BAHCC1: variants seen among roughly 807,000 people sequenced by gnomAD.
BAHCC1 encodes the protein BAH domain and coiled-coil containing 1.
In BAHCC1, 43 loss-of-function variants were observed where a neutral mutation model predicts 88.2. The ratio of observed to expected loss-of-function variants is 0.49; its 90% CI spans 0.38 to 0.63. BAHCC1 has a LOEUF of 0.63. BAHCC1 is among the 20% of genes least tolerant of loss of function. The probability of loss-of-function intolerance (pLI) is 0.00; values close to 1 mark genes in which losing one functional copy is unlikely to be tolerated. For missense variants in BAHCC1, 3,023 were observed against 1,654.8 expected (o/e 1.83, Z -14.34); for synonymous variants, 1,510 against 745.5 (o/e 2.03, Z -16.71).
At chr17:81,406,785 C>G (rs973064396) in intron 2 of BAHCC1, 3 of 421,942 alleles carry the variant, frequency 7.1e-6, no homozygotes, top group African/African-American at 6.1e-5. Context: ...TGGGGGCAGG[C>G]GGCGCCCAGG....
intron 2 of BAHCC1, among the ~76,000 whole-genome samples, chr17:81,426,580 C>T (rs2064202924): frequency 6.6e-6 from 1 of 151,772 alleles, no homozygotes; most frequent in African/African-American, 2.4e-5. Flanking sequence ...ACCAGGACAC[C>T]TGGGGCACCA....
In BAHCC1 at chr17:81,447,027, C is replaced by T. The variant is rs1180907418; in HGVS notation, c.3164-9C>T. 3 of 778,938 alleles carry T rather than the reference C, an allele frequency of 3.9e-6. No homozygotes were observed. Among genetic ancestry groups the T allele is most frequent in the South Asian group, 1.3e-5 (1 of 74,628 alleles). 48.3% of individuals were successfully genotyped at this position (778,938 alleles called of 1,614,324 possible). ...CCAGCTCCCTGCTGACCTGTCCCCTCCTTTGCAGACCTGCCTCCCGGATAC... is the reference window on the plus strand; with the variant it reads ...CCAGCTCCCTGCTGACCTGTCCCCTTCTTTGCAGACCTGCCTCCCGGATAC... On this transcript the variant is annotated splice_polypyrimidine_tract_variant and intron_variant, in intron 10 of 27. Transcript: ENST00000675386.
chr17:81,445,784 C>T, intron 10 of BAHCC1, 103 bp downstream of exon 10: 1 of 643,340 alleles, frequency 1.6e-6, no homozygotes, highest in Admixed American at 2.4e-5. Context: ...AGGGAGGCGC[C>T]ACACCTGCCC....
Position 81,460,662 on chromosome 17 carries a change from C to T in BAHCC1, c.6158C>T (p.Ala2053Val), listed in dbSNP as rs1555658954. Reference sequence around the variant, plus strand: ...CCCAAAGCACAGGACGGCCCCGAAGCTTTGAAGACACCTGGGAAAAAATCC... The same window carrying T: ...CCCAAAGCACAGGACGGCCCCGAAGTTTTGAAGACACCTGGGAAAAAATCC... ...LSPKAQDGPEALKTPGKKSIS... is the reference protein window; with the variant it reads ...LSPKAQDGPEVLKTPGKKSIS... Residue 2053 changes from alanine (A) to valine (V), a missense_variant, in exon 25 of 28, where the codon GCT becomes GTT. Coordinates refer to ENST00000675386, the MANE Select transcript of BAHCC1 (RefSeq NM_001377448.1). 1.3e-6 allele frequency: 1 copy of T among 772,854 alleles called. No individual in the cohort carries two copies. Among genetic ancestry groups the T allele is most frequent in the East Asian group, 2.4e-5 (1 of 40,896 alleles). The allele number at this position is 772,854 out of a possible 1,614,324, so 47.9% of individuals were successfully genotyped here.
chr17:81,407,036 A>G (rs1390587360), intron 2 of BAHCC1: 1 of 455,084 alleles, frequency 2.2e-6, no homozygotes, highest in Non-Finnish European at 4.4e-6. Flanking sequence ...ATCCCCCAAG[A>G]AAAAGTCCAG....
chr17:81,416,285 CATAT>C (rs1555648667), intron 2 of BAHCC1, among the ~76,000 whole-genome samples: 1 of 96,130 alleles, frequency 1.0e-5, no homozygotes, highest in East Asian at 3.1e-4. Context: ...GGTGTATGTG[CATAT>C]GTGTGTGTCC....
intron 2 of BAHCC1, among the ~76,000 whole-genome samples, chr17:81,415,312 G>T (rs546466813): frequency 1.3e-5 from 2 of 152,382 alleles, no homozygotes; most frequent in South Asian, 4.1e-4. Flanking sequence ...GCAGGGTGCT[G>T]CCTGGAGGGG....
At chr17:81,421,347 C>T (rs2064113659) in intron 2 of BAHCC1, among the ~76,000 whole-genome samples, 3 of 152,190 alleles carry the variant, frequency 2.0e-5, no homozygotes, top group African/African-American at 7.2e-5. Context: ...GGCGGGGGGG[C>T]TGGGGAGGTG....
Position 81,462,965 on chromosome 17 carries a change from T to G in BAHCC1, c.7609T>G (p.Cys2537Gly). The change falls in exon 27 of 28, where the codon TGC (cysteine) becomes GGC (glycine). Residue 2537 changes from cysteine (C) to glycine (G), a missense_variant. Coordinates refer to ENST00000675386, the MANE Select transcript of BAHCC1 (RefSeq NM_001377448.1). ...GGAGACCAAGCTGGGCAAGAGGCAG[T>G]GCGACGGCAAGGTGAGGCCCGGACA... ...PEETKLGKRQ[C>G]DGKNALYQSC... 2.6e-6 allele frequency: 2 copies of G among 780,634 alleles called. No individual in the cohort carries two copies. The highest frequency in any genetic ancestry group is 4.8e-6 in the Non-Finnish European group (2 of 418,654). 48.4% of individuals were successfully genotyped at this position (780,634 alleles called of 1,614,324 possible). A position where few individuals can be genotyped will look rare whatever the true frequency, so the allele number is the denominator to read the frequency against.
At chr17:81,404,931 C>T (rs1351293715) in intron 2 of BAHCC1, among the ~76,000 whole-genome samples, 1 of 152,168 alleles carries the variant, frequency 6.6e-6, no homozygotes, top group Non-Finnish European at 1.5e-5. Flanking sequence ...TGGGGTGCCT[C>T]CTCTCTGCGG....
At position 81,447,238 on chromosome 17, in the gene BAHCC1, G is replaced by A. The variant is rs782049779; in HGVS notation, c.3366G>A (p.Gly1122=). The A allele has an allele frequency of 1.4e-6, 1 of 720,706 alleles. No homozygotes were observed. The highest frequency in any genetic ancestry group is 2.5e-6 in the Non-Finnish European group (1 of 392,316). 44.6% of individuals were successfully genotyped at this position (720,706 alleles called of 1,614,324 possible). A position where few individuals can be genotyped will look rare whatever the true frequency, so the allele number is the denominator to read the frequency against. ...TGGAGGAGCCCGGGCTGCTCTCAGG[G>A]GCCAGGGAGGCCACCCAGGACCTTG... is the stretch of plus-strand genomic sequence containing the variant. ...RSLEEPGLLS[G]AREATQDLAA... The change falls in exon 11 of 28, where the codon GGG becomes GGA. Residue 1122 remains glycine (G), a synonymous_variant. Transcript: ENST00000675386.
At chr17:81,459,221 C>A in intron 21 of BAHCC1, 32 bp from the exon 22 acceptor site, 2 of 775,684 alleles carry the variant, frequency 2.6e-6, no homozygotes, top group East Asian at 2.4e-5. Context: ...CAACCGAGAC[C>A]CGTGGCACCT....
chr17:81,399,894 C>T lies in BAHCC1; in HGVS notation c.155C>T (p.Pro52Leu). The stretch of plus-strand genomic sequence containing the variant: ...CAGCCGGGAAAGTACTTCCCGTCGC[C>T]GTTGCCCATGGCTTCGCACACAGGT... ...HFQPGKYFPS[P>L]LPMASHTASS... The change falls in exon 2 of 28, where the codon CCG becomes CTG. Residue 52 changes from proline to leucine, a missense_variant. Transcript: ENST00000675386. The surrounding 1 kb of genome is among the most constrained non-coding windows in gnomAD (Gnocchi z 4.5). 1 of 1,449,158 alleles carries T rather than the reference C, an allele frequency of 6.9e-7. No homozygotes were observed. The highest frequency in any genetic ancestry group is 9.1e-7 in the Non-Finnish European group (1 of 1,098,360). The allele number at this position is 1,449,158 out of a possible 1,614,324, so 89.8% of individuals were successfully genotyped here. A position where few individuals can be genotyped will look rare whatever the true frequency, so the allele number is the denominator to read the frequency against.
At chr17:81,453,849 A>G (rs1010767034) in intron 14 of BAHCC1, among the ~76,000 whole-genome samples, 4 of 152,262 alleles carry the variant, frequency 2.6e-5, no homozygotes. Context: ...TGGCAGAGGC[A>G]GTTGGCCCCG....
intron 10 of BAHCC1, among the ~76,000 whole-genome samples, chr17:81,446,097 G>A (rs1555654260): frequency 6.6e-6 from 1 of 152,094 alleles, no homozygotes; most frequent in Non-Finnish European, 1.5e-5. Flanking sequence ...TGGGTGGGGG[G>A]GTCTCGGGCC....
intron 3 of BAHCC1, 91 bp downstream of exon 3, chr17:81,427,070 C>T (rs1014482300): frequency 7.0e-5 from 28 of 398,268 alleles, no homozygotes; most frequent in Non-Finnish European, 1.1e-4. Flanking sequence ...GGGCTCCCAT[C>T]GTGGCCGTGG....
Position 81,442,472 on chromosome 17 carries a change from G to C in BAHCC1, c.1123G>C (p.Gly375Arg). The C allele has an allele frequency of 1.4e-6, 1 of 721,456 alleles. No homozygotes were observed. Among genetic ancestry groups the C allele is most frequent in the East Asian group, 2.6e-5 (1 of 38,150 alleles). The allele number at this position is 721,456 out of a possible 1,614,324, so 44.7% of individuals were successfully genotyped here. A position where few individuals can be genotyped will look rare whatever the true frequency, so the allele number is the denominator to read the frequency against. Residue 375 changes from glycine (G) to arginine (R), a missense_variant, in exon 5 of 28, where the codon GGG becomes CGG. Gly to Arg is a moderately radical substitution (Grantham distance 125). Transcript: ENST00000675386. ...PCLQLHGGPD[G>R]LCPLQDKAPR... Reference sequence around the variant, plus strand: ...CCTGCAGCTGCACGGGGGCCCTGACGGGCTCTGCCCGCTGCAGGACAAAGC... The same window carrying C: ...CCTGCAGCTGCACGGGGGCCCTGACCGGCTCTGCCCGCTGCAGGACAAAGC...
intron 2 of BAHCC1, chr17:81,407,408 C>T (rs2063895123): frequency 5.8e-6 from 3 of 519,852 alleles, no homozygotes; most frequent in Admixed American, 3.9e-5. Context: ...TCTCTCCGGT[C>T]CTTGGAGCAC....
At position 81,442,007 on chromosome 17, in the gene BAHCC1, G is replaced by C. The variant is rs782776808; in HGVS notation, c.658G>C (p.Val220Leu). The change falls in exon 5 of 28, where the codon GTG becomes CTG. Residue 220 changes from valine (V) to leucine (L), a missense_variant. Val to Leu is a conservative substitution (Grantham distance 32). Transcript: ENST00000675386. ...CCCCAAGGACTTCGACCGCTTCCTC[G>C]TGGGCAAAGAGCTGGGCAGAGAGAA... ...KGPKDFDRFL[V>L]GKELGREKAG... The C allele has an allele frequency of 1.1e-5, 8 of 740,324 alleles. No individual in the cohort carries two copies. The Admixed American group carries it at 1.1e-4, about 10-fold the overall frequency. The allele number at this position is 740,324 out of a possible 1,614,324, so 45.9% of individuals were successfully genotyped here. A position where few individuals can be genotyped will look rare whatever the true frequency, so the allele number is the denominator to read the frequency against.
Sources: allele counts gnomAD v4.1 joint callset (sites outside exome capture counted in the v4.1 genomes callset), GRCh38; gene constraint gnomAD v4.1.1; non-coding constraint Gnocchi (gnomAD v3.1); transcripts MANE v1.5; gene names NCBI Gene and HGNC (gene_info 2026-07-23, HGNC 2026-07-21).